The following KCNMA1 variants were observed in gnomAD, a reference collection of about 807,000 sequenced individuals.
The protein encoded by KCNMA1 is Calcium-activated potassium channel subunit alpha-1.
In KCNMA1, 29 loss-of-function variants were observed where a neutral mutation model predicts 140.0. The observed-to-expected ratio is 0.21, with a 90% confidence interval of 0.15 to 0.28. KCNMA1 has a LOEUF of 0.28. Among genes scored for constraint, KCNMA1 ranks in the 10% least tolerant of loss-of-function variants. The pLI, the probability that KCNMA1 is intolerant of heterozygous loss-of-function variation, is 1.00. For missense variants in KCNMA1, 880 were observed against 1,602.2 expected, an observed-to-expected ratio of 0.55 and a Z score of 7.70; for synonymous variants, 612 against 611.9, an observed-to-expected ratio of 1.00 and a Z score of 0.00.
intron 2 of KCNMA1, among the ~76,000 whole-genome samples, chr10:77,394,706 G>T (rs369501866): frequency 6.6e-6 from 1 of 152,138 alleles, no homozygotes; most frequent in East Asian, 1.9e-4. Flanking sequence ...ATGTAGACAC[G>T]TCCCCATGAG....
intron 2 of KCNMA1, among the ~76,000 whole-genome samples, chr10:77,291,776 G>T (rs1457521): frequency 0.34 from 51,917 of 152,004 alleles, 9,645 homozygotes; most frequent in East Asian, 0.49. Flanking sequence ...ATATGTGCTG[G>T]TGCTTTACTT....
intron 20 of KCNMA1, among the ~76,000 whole-genome samples, chr10:76,956,786 A>G (rs1158728934): frequency 6.6e-6 from 1 of 152,162 alleles, no homozygotes; most frequent in Non-Finnish European, 1.5e-5. Context: ...AAAGCTGTTC[A>G]TATCCTGGTA....
intron 1 of KCNMA1, among the ~76,000 whole-genome samples, chr10:77,570,480 C>T (rs1290082868): frequency 1.4e-5 from 2 of 147,864 alleles, no homozygotes; most frequent in African/African-American, 2.5e-5. Context: ...AGTAAACTAT[C>T]TCAAGAACAA....
At chr10:77,587,946 A>T in intron 1 of KCNMA1, 1 of 798,294 alleles carries the variant, frequency 1.3e-6, no homozygotes, top group Non-Finnish European at 1.5e-6. Flanking sequence ...AGAGTCCCAC[A>T]GAAAGAGAAA....
chr10:77,121,014 C>A lies in KCNMA1; in HGVS notation c.843G>T (p.Gln281His). The A allele has an allele frequency of 6.2e-7, 1 of 1,603,046 alleles. No homozygotes were observed. The highest frequency in any genetic ancestry group is 1.1e-5 in the South Asian group (1 of 90,810). ...TCAGAAACTGCAAAATTTCTGAAAA[C>A]TGTATCAGTCTCAGAGCTCTTAAAA... Reference protein sequence around the residue: ...LRFLRALRLIQFSEILQFLNI... With the variant: ...LRFLRALRLIHFSEILQFLNI... Residue 281 changes from glutamine (Q) to histidine (H), a missense_variant, in exon 6 of 28, where the codon CAG (glutamine) becomes CAT (histidine). By Grantham distance (24) the Gln-to-His change is conservative (BLOSUM62 0). This residue lies in a region of KCNMA1 where 198 missense variants were observed against 580.1 expected (regional missense o/e 0.34). Transcript: ENST00000286628.
At chr10:77,050,727 A>C (rs956372993) in intron 14 of KCNMA1, among the ~76,000 whole-genome samples, 7 of 152,176 alleles carry the variant, frequency 4.6e-5, no homozygotes, top group African/African-American at 1.7e-4. Flanking sequence ...GCTGTTCCCA[A>C]AGACGGTGAA....
At chr10:77,202,586 T>C (rs1565186263) in intron 3 of KCNMA1, among the ~76,000 whole-genome samples, 1 of 152,314 alleles carries the variant, frequency 6.6e-6, no homozygotes, top group East Asian at 1.9e-4. Flanking sequence ...CAACAAGTGA[T>C]ACCTGCTTAA....
intron 1 of KCNMA1, among the ~76,000 whole-genome samples, chr10:77,502,150 C>A (rs2044148781): frequency 6.6e-6 from 1 of 152,138 alleles, no homozygotes; most frequent in African/African-American, 2.4e-5. Flanking sequence ...ATTGGGTTGC[C>A]ATGAAACCTA....
intron 3 of KCNMA1, among the ~76,000 whole-genome samples, chr10:77,191,610 A>C (rs1311970159): frequency 2.6e-5 from 4 of 152,154 alleles, no homozygotes; most frequent in African/African-American, 9.7e-5. Flanking sequence ...TCTTCACTTT[A>C]TCCCAGACAT....
At chr10:77,427,444 A>G (rs2097033363) in intron 1 of KCNMA1, among the ~76,000 whole-genome samples, 2 of 152,230 alleles carry the variant, frequency 1.3e-5, no homozygotes, top group African/African-American at 4.8e-5. Flanking sequence ...TGCACCACAG[A>G]GGGTGTTAGC....
intron 9 of KCNMA1, among the ~76,000 whole-genome samples, chr10:77,106,140 G>A (rs2097193398): frequency 6.6e-6 from 1 of 152,134 alleles, no homozygotes. Flanking sequence ...AGGAAACAAT[G>A]CATAAAGTAG....
chr10:77,496,335 G>A (rs1328046068), intron 1 of KCNMA1, among the ~76,000 whole-genome samples: 3 of 152,104 alleles, frequency 2.0e-5, no homozygotes, highest in East Asian at 1.9e-4. Context: ...GGTGGCTCAC[G>A]CCTGTAATCC....
chr10:76,963,700 TC>T, intron 20 of KCNMA1, among the ~76,000 whole-genome samples: 1 of 152,106 alleles, frequency 6.6e-6, no homozygotes, highest in Non-Finnish European at 1.5e-5. Context: ...CACTAATGAC[TC>T]TCTCTTGCTG....
At chr10:77,370,828 G>T (rs1420606136) in intron 2 of KCNMA1, among the ~76,000 whole-genome samples, 1 of 152,158 alleles carries the variant, frequency 6.6e-6, no homozygotes, top group Non-Finnish European at 1.5e-5. Flanking sequence ...CTGTGACCTT[G>T]ACCTTGAAAA....
chr10:77,355,715 C>T (rs2093416103), intron 2 of KCNMA1, among the ~76,000 whole-genome samples: 1 of 152,218 alleles, frequency 6.6e-6, no homozygotes, highest in Non-Finnish European at 1.5e-5. Flanking sequence ...TAATTCTGTG[C>T]TTTTCAATTA....
Position 77,301,841 on chromosome 10 carries a change from A to T in KCNMA1, c.541-50585T>A, listed in dbSNP as rs181949942. ...GGCATCCTAGATGCTTTTAGATCAC[A>T]GTAATGGAAGCATCTCACAACAGCC... is the stretch of plus-strand genomic sequence containing the variant. On this transcript the variant is annotated intron_variant, in intron 2 of 27. Coordinates refer to ENST00000286628, the MANE Select transcript of KCNMA1 (RefSeq NM_001161352.2). 1.8e-3 allele frequency among the ~76,000 whole-genome samples: 274 copies of T among 150,386 alleles called. 6 individuals are homozygous for T. In the Admixed American group the frequency reaches 0.018, roughly 10 times the overall value.
At chr10:77,348,867 G>A (rs2092535128) in intron 2 of KCNMA1, among the ~76,000 whole-genome samples, 1 of 152,150 alleles carries the variant, frequency 6.6e-6, no homozygotes, top group African/African-American at 2.4e-5. Flanking sequence ...CTTTGCAAAG[G>A]AAGGTGCTGG....
At chr10:77,636,807 C>A in intron 1 of KCNMA1, 1 of 1,445,526 alleles carries the variant, frequency 6.9e-7, no homozygotes, top group Non-Finnish European at 9.0e-7. Flanking sequence ...ATCTCCCCAA[C>A]AGGTTCCTAA....
chr10:77,205,125 A>G (rs571885693), intron 3 of KCNMA1, among the ~76,000 whole-genome samples: 25 of 152,300 alleles, frequency 1.6e-4, no homozygotes, highest in African/African-American at 6.0e-4. Context: ...TCTCAGGGTA[A>G]TGGGTCTGTT....
Sources: gnomAD v4.1 joint callset for allele counts (sites outside exome capture counted in the v4.1 genomes callset) on GRCh38, gnomAD v4.1.1 for gene constraint, gnomAD v4.1.1 regional missense constraint, MANE v1.5 for transcripts, NCBI Gene and HGNC (gene_info 2026-07-23, HGNC 2026-07-21) for gene names.